The following SLC24A2 variants were observed in gnomAD, a reference collection of about 807,000 sequenced individuals.
SLC24A2 encodes the protein solute carrier family 24 member 2, also known as sodium/potassium/calcium exchanger 2.
SLC24A2 carries 36 observed loss-of-function variants against 62.0 expected under a neutral mutation model. The ratio of observed to expected loss-of-function variants is 0.58; its 90% CI spans 0.44 to 0.77. SLC24A2 has a LOEUF of 0.77. Ranked by LOEUF, SLC24A2 falls within the 30% of genes least tolerant of loss-of-function variation. SLC24A2 has a pLI of 0.00. For synonymous variants in SLC24A2, 358 were observed against 294.0 expected (o/e 1.22, Z -2.23); for missense variants, 846 against 817.9 (o/e 1.03, Z -0.42).
At chr9:19,529,711 A>G (rs1833607979) in intron 8 of SLC24A2, among the ~76,000 whole-genome samples, 1 of 151,942 alleles carries the variant, frequency 6.6e-6, no homozygotes, top group East Asian at 1.9e-4. Context: ...GGGGGAAATA[A>G]AAAGGTAATC....
chr9:20,246,199 C>G, the SLC24A2 span, among the ~76,000 whole-genome samples: 13 of 152,198 alleles, frequency 8.5e-5, no homozygotes, highest in Non-Finnish European at 1.9e-4. Flanking sequence ...TTCCTGAGCA[C>G]TTATTTTGTA....
the SLC24A2 span, among the ~76,000 whole-genome samples, chr9:19,889,913 A>ACTG: frequency 3.3e-5 from 5 of 152,114 alleles, no homozygotes; most frequent in East Asian, 9.6e-4. Context: ...TCTACCGACT[A>ACTG]TCTCTTATCT....
chr9:19,860,890 C>T, the SLC24A2 span, among the ~76,000 whole-genome samples: 4 of 152,128 alleles, frequency 2.6e-5, no homozygotes, highest in African/African-American at 4.8e-5. Context: ...TGGGAAGAAC[C>T]GTGTCTTGTG....
At chr9:20,040,164 C>T in the SLC24A2 span, among the ~76,000 whole-genome samples, 2 of 152,332 alleles carry the variant, frequency 1.3e-5, no homozygotes, top group Admixed American at 6.5e-5. Flanking sequence ...ATGTAACCAA[C>T]ACTTACCATC....
the SLC24A2 span, among the ~76,000 whole-genome samples, chr9:20,151,509 G>C: frequency 6.6e-6 from 1 of 151,828 alleles, no homozygotes; most frequent in South Asian, 2.1e-4. Flanking sequence ...TGCTTCCTCA[G>C]AGGGCTTTGC....
the SLC24A2 span, among the ~76,000 whole-genome samples, chr9:20,227,052 CTGG>C: frequency 6.6e-6 from 1 of 152,162 alleles, no homozygotes; most frequent in Non-Finnish European, 1.5e-5. Context: ...AATCCAAACA[CTGG>C]TGGTAACTTT....
At chr9:20,009,646 A>T in the SLC24A2 span, among the ~76,000 whole-genome samples, 1 of 152,202 alleles carries the variant, frequency 6.6e-6, no homozygotes, top group African/African-American at 2.4e-5. Context: ...TAATGACCAG[A>T]GAAAGGAACA....
chr9:19,754,737 T>G (rs1822087522), intron 2 of SLC24A2, among the ~76,000 whole-genome samples: 1 of 151,704 alleles, frequency 6.6e-6, no homozygotes, highest in Admixed American at 6.6e-5. Flanking sequence ...TGTGCCAAAA[T>G]GCAACTCCAA....
chr9:20,142,094 T>C, the SLC24A2 span, among the ~76,000 whole-genome samples: 94 of 152,038 alleles, frequency 6.2e-4, no homozygotes, highest in Non-Finnish European at 1.1e-3. Context: ...ATAATAATAA[T>C]TATTATTATT....
chr9:19,870,415 T>A, the SLC24A2 span, among the ~76,000 whole-genome samples: 1 of 152,182 alleles, frequency 6.6e-6, no homozygotes, highest in African/African-American at 2.4e-5. Context: ...TGTTTATTGA[T>A]TCATTTAGGT....
chr9:20,165,188 T>A, the SLC24A2 span, among the ~76,000 whole-genome samples: 1 of 151,926 alleles, frequency 6.6e-6, no homozygotes, highest in Admixed American at 6.6e-5. Flanking sequence ...ACTACCTTAT[T>A]CTTCATAAGA....
chr9:20,191,168 T>G, the SLC24A2 span, among the ~76,000 whole-genome samples: 17 of 152,168 alleles, frequency 1.1e-4, no homozygotes, highest in African/African-American at 4.1e-4. Flanking sequence ...GACCTTTTTT[T>G]TTTTTTTGCA....
chr9:20,102,596 A>G, the SLC24A2 span, among the ~76,000 whole-genome samples: 1 of 152,020 alleles, frequency 6.6e-6, no homozygotes, highest in African/African-American at 2.4e-5. Context: ...AACCTTTGAA[A>G]CAAACCTGCA....
the SLC24A2 span, among the ~76,000 whole-genome samples, chr9:19,867,390 CT>C: frequency 3.9e-5 from 6 of 152,156 alleles, no homozygotes; most frequent in Admixed American, 3.3e-4. Context: ...ATTCCCATTG[CT>C]TTTTGAATCG....
chr9:19,821,090 A>T, the SLC24A2 span, among the ~76,000 whole-genome samples: 1 of 152,078 alleles, frequency 6.6e-6, no homozygotes, highest in African/African-American at 2.4e-5. Context: ...AAGGATTGTT[A>T]TGTAGGAGAG....
At chr9:20,045,196 C>T in the SLC24A2 span, among the ~76,000 whole-genome samples, 4 of 152,186 alleles carry the variant, frequency 2.6e-5, no homozygotes, top group East Asian at 1.9e-4. Flanking sequence ...ACTGTGTATA[C>T]GATGTAAAAA....
At chr9:19,593,523 G>A (rs753350979) in intron 5 of SLC24A2, among the ~76,000 whole-genome samples, 5 of 152,144 alleles carry the variant, frequency 3.3e-5, no homozygotes, top group African/African-American at 9.7e-5. Flanking sequence ...TTTGTCTTGC[G>A]TGTGAGAGTA....
At chr9:20,229,857 A>G in the SLC24A2 span, among the ~76,000 whole-genome samples, 1 of 150,254 alleles carries the variant, frequency 6.7e-6, no homozygotes, top group Non-Finnish European at 1.5e-5. Context: ...AGCATTAGGT[A>G]TATGTCCTAA....
chr9:19,947,305 C>G, the SLC24A2 span, among the ~76,000 whole-genome samples: 1 of 151,310 alleles, frequency 6.6e-6, no homozygotes, highest in African/African-American at 2.4e-5. Context: ...TTATTAGAAA[C>G]AACTCTCAGG....
Sources: gnomAD v4.1 joint callset for allele counts (sites outside exome capture counted in the v4.1 genomes callset) on GRCh38, gnomAD v4.1.1 for gene constraint, MANE v1.5 for transcripts, NCBI Gene and HGNC (gene_info 2026-07-23, HGNC 2026-07-21) for gene names.